The following TLK1 variants were observed in gnomAD, a reference collection of about 807,000 sequenced individuals.
The protein encoded by TLK1 is serine/threonine-protein kinase tousled-like 1.
Under a neutral mutation model 105.3 loss-of-function variants are expected in TLK1, and 24 were observed. That is an observed-to-expected ratio of 0.23 (90% CI 0.17 to 0.32). TLK1 has a LOEUF of 0.32. TLK1 is among the 10% of genes least tolerant of loss of function. The pLI, the probability that TLK1 is intolerant of heterozygous loss-of-function variation, is 1.00. For synonymous variants in TLK1, 321 were observed against 310.4 expected (o/e 1.03, Z -0.36); for missense variants, 558 against 910.5 (o/e 0.61, Z 4.98).
chr2:171,160,496 C>T lies in TLK1; in HGVS notation c.-68G>A. 6.4e-7 allele frequency: 1 copy of T among 1,571,238 alleles called. No homozygotes were observed. The highest frequency in any genetic ancestry group is 1.2e-5 in the South Asian group (1 of 86,800). On this transcript the variant is annotated 5_prime_UTR_variant, in exon 1 of 21. Transcript: ENST00000431350. The surrounding 1 kb of genome is among the most constrained non-coding windows in gnomAD (Gnocchi z 4.4). ...GCGGCGGCAACGGCACCGGCACCCG[C>T]CTCCGTCATGGCGGGGGCCGCGCTG... is the stretch of plus-strand genomic sequence containing the variant.
chr2:171,060,103 C>A, intron 4 of TLK1: 2 of 1,470,478 alleles, frequency 1.4e-6, no homozygotes, highest in Non-Finnish European at 1.8e-6. Flanking sequence ...GAAGGTGAAA[C>A]AAGAAAAAAC....
At chr2:171,046,396 C>T in intron 10 of TLK1, 34 bp from the exon 11 acceptor site, 1 of 1,521,884 alleles carries the variant, frequency 6.6e-7, no homozygotes, top group Non-Finnish European at 8.8e-7. Flanking sequence ...ACCATATTAA[C>T]CTTCCATTAC....
chr2:171,131,124 TAC>T (rs148251561), intron 1 of TLK1, among the ~76,000 whole-genome samples: 2,420 of 152,048 alleles, frequency 0.016, 44 homozygotes, highest in African/African-American at 0.044. Flanking sequence ...TAGAGAGAGA[TAC>T]AGAGATATAT....
At chr2:171,186,427 A>G (rs1693025936) in intron 1 of TLK1, among the ~76,000 whole-genome samples, 1 of 152,218 alleles carries the variant, frequency 6.6e-6, no homozygotes, top group Non-Finnish European at 1.5e-5. Context: ...TTTCGTCACA[A>G]TGATGGGAGT....
At chr2:171,041,588 G>T (rs535579098) in intron 11 of TLK1, among the ~76,000 whole-genome samples, 2 of 152,168 alleles carry the variant, frequency 1.3e-5, no homozygotes, top group African/African-American at 4.8e-5. Flanking sequence ...TGTGAACTGC[G>T]CATGCAAGGG....
In TLK1 at chr2:171,009,609, G is replaced by A. The variant is rs530038924; in HGVS notation, c.1416+1764C>T. ...GGTGTGAGCCATGGCCAACAAGCAG[G>A]ATTTCTAATAATCTTATCAGCTTAT... On this transcript the variant is annotated intron_variant, in intron 14 of 20. Coordinates refer to ENST00000431350, the MANE Select transcript of TLK1 (RefSeq NM_012290.5). 2.6e-5 allele frequency among the ~76,000 whole-genome samples: 4 copies of A among 152,044 alleles called. No individual in the cohort carries two copies. In the East Asian group the frequency reaches 7.7e-4, roughly 29 times the overall value.
chr2:171,015,415 AACACACACACACAC>A lies in TLK1; in HGVS notation c.1237-481_1237-468del, dbSNP rs56238853. ...TACGCCTTACAGCATTTGGAGTACA[AACACACACACACAC>A]ACACACACACACACACACACACACA... On this transcript the variant is annotated intron_variant, in intron 12 of 20. Coordinates refer to ENST00000431350, the MANE Select transcript of TLK1 (RefSeq NM_012290.5). Among the ~76,000 whole-genome samples, 249 of 132,692 alleles carry A rather than the reference AACACACACACACAC, an allele frequency of 1.9e-3. 1 individual carries two copies. The highest frequency in any genetic ancestry group is 0.015 in the Middle Eastern group (4 of 262). 87.1% of individuals were successfully genotyped at this position (132,692 alleles called of 152,430 possible). A position where few individuals can be genotyped will look rare whatever the true frequency, so the allele number is the denominator to read the frequency against.
At chr2:171,155,472 C>T (rs971636132) in intron 1 of TLK1, 1 of 152,036 alleles carries the variant, frequency 6.6e-6, no homozygotes, top group Non-Finnish European at 1.5e-5. Context: ...GTAATAAAGT[C>T]AACAACAACA....
intron 1 of TLK1, among the ~76,000 whole-genome samples, chr2:171,192,849 A>G (rs1390534026): frequency 6.6e-6 from 1 of 152,226 alleles, no homozygotes; most frequent in East Asian, 1.9e-4. Context: ...CTAGTCATTC[A>G]TAAGAAGGGT....
chr2:171,030,554 A>C (rs1396781671), intron 11 of TLK1, among the ~76,000 whole-genome samples: 1 of 152,174 alleles, frequency 6.6e-6, no homozygotes, highest in East Asian at 1.9e-4. Context: ...CTAATCTAGA[A>C]AAGAAAAGAT....
intron 2 of TLK1, among the ~76,000 whole-genome samples, chr2:171,098,858 A>T (rs1575594700): frequency 6.6e-6 from 1 of 152,202 alleles, no homozygotes; most frequent in East Asian, 1.9e-4. Flanking sequence ...ACCACTGATC[A>T]TGAACAGACA....
chr2:171,061,244 A>C, intron 3 of TLK1, 88 bp from the exon 4 acceptor site: 1 of 1,230,848 alleles, frequency 8.1e-7, no homozygotes. Flanking sequence ...TTCGAGACCA[A>C]AAAAATAGCA....
At chr2:171,104,821 T>A (rs1689846069) in intron 2 of TLK1, among the ~76,000 whole-genome samples, 1 of 152,230 alleles carries the variant, frequency 6.6e-6, no homozygotes, top group African/African-American at 2.4e-5. Context: ...ATGCTACTAC[T>A]TTTTGTATGT....
intron 12 of TLK1, among the ~76,000 whole-genome samples, chr2:171,022,127 T>A (rs925190845): frequency 3.4e-4 from 13 of 38,366 alleles, no homozygotes; most frequent in South Asian, 1.1e-3. Flanking sequence ...ACACACACAC[T>A]GGGGAAGTAA....
intron 1 of TLK1, among the ~76,000 whole-genome samples, chr2:171,142,558 G>A (rs568571119): frequency 1.6e-4 from 25 of 152,236 alleles, no homozygotes; most frequent in African/African-American, 6.0e-4. Context: ...TAAAAAGTTT[G>A]ATTCACCAGG....
intron 17 of TLK1, 47 bp from the exon 18 acceptor site, chr2:171,006,329 C>T (rs749616926): frequency 3.0e-5 from 45 of 1,517,340 alleles, no homozygotes; most frequent in Non-Finnish European, 3.5e-5. Flanking sequence ...ACATGAAAAA[C>T]ATAACTTTAA....
chr2:171,103,797 T>C (rs565286597), intron 2 of TLK1, among the ~76,000 whole-genome samples: 3 of 152,334 alleles, frequency 2.0e-5, no homozygotes, highest in African/African-American at 7.2e-5. Flanking sequence ...ATATTCCTCC[T>C]TCTACATTCT....
chr2:171,050,269 G>A, intron 8 of TLK1, 95 bp from the exon 9 acceptor site: 17 of 744,124 alleles, frequency 2.3e-5, no homozygotes, highest in South Asian at 8.5e-5. Context: ...TATACAGATA[G>A]GACTAATAAT....
At chr2:171,018,794 AAG>A (rs978150674) in intron 12 of TLK1, among the ~76,000 whole-genome samples, 2 of 152,214 alleles carry the variant, frequency 1.3e-5, no homozygotes, top group African/African-American at 4.8e-5. Flanking sequence ...AAAAGAAACA[AAG>A]AGACAAACAG....
Sources: gnomAD v4.1 joint callset for allele counts (sites outside exome capture counted in the v4.1 genomes callset) on GRCh38, gnomAD v4.1.1 for gene constraint, Gnocchi (gnomAD v3.1) non-coding constraint, MANE v1.5 for transcripts, NCBI Gene and HGNC (gene_info 2026-07-23, HGNC 2026-07-21) for gene names.